The following DPYD variants were observed in gnomAD, a reference collection of about 807,000 sequenced individuals.
DPYD encodes dihydropyrimidine dehydrogenase, also known as dihydropyrimidine dehydrogenase [NADP(+)].
In DPYD, 109 loss-of-function variants were observed where a neutral mutation model predicts 116.2. That is an observed-to-expected ratio of 0.94 (90% CI 0.80 to 1.10). The LOEUF (loss-of-function observed/expected upper bound fraction) is 1.10, where lower values mean the gene tolerates loss of function less well. Ranked by LOEUF, DPYD falls within the 50% of genes least tolerant of loss-of-function variation. DPYD has a pLI of 0.00. For missense variants in DPYD, 1,302 were observed against 1,254.5 expected (o/e 1.04, Z -0.57); for synonymous variants, 440 against 432.0 (o/e 1.02, Z -0.23).
At chr1:97,342,999 A>G in intron 16 of DPYD, among the ~76,000 whole-genome samples, 1 of 152,174 alleles carries the variant, frequency 6.6e-6, no homozygotes, top group East Asian at 1.9e-4. Context: ...GGAGAGGAAA[A>G]AAAAACACTC....
chr1:97,833,673 CA>C (rs2101504487), intron 2 of DPYD, among the ~76,000 whole-genome samples: 1 of 152,128 alleles, frequency 6.6e-6, no homozygotes, highest in African/African-American at 2.4e-5. Flanking sequence ...TTAGTACATT[CA>C]GCAACGACGT....
intron 20 of DPYD, among the ~76,000 whole-genome samples, chr1:97,143,528 A>G (rs1163602390): frequency 6.6e-6 from 1 of 152,158 alleles, no homozygotes; most frequent in Non-Finnish European, 1.5e-5. Flanking sequence ...GAAATTTAGT[A>G]TTACCCAGTG....
At chr1:97,398,349 T>C (rs903130976) in intron 14 of DPYD, among the ~76,000 whole-genome samples, 1 of 152,194 alleles carries the variant, frequency 6.6e-6, no homozygotes, top group Non-Finnish European at 1.5e-5. Context: ...TCTATCATTG[T>C]TGGACATTTG....
At chr1:97,087,193 C>T (rs1216952694) in intron 21 of DPYD, among the ~76,000 whole-genome samples, 2 of 152,162 alleles carry the variant, frequency 1.3e-5, no homozygotes, top group South Asian at 4.1e-4. Flanking sequence ...CAACATCCAC[C>T]TTTTTCTTTG....
At chr1:97,228,019 A>G (rs1395208706) in intron 19 of DPYD, among the ~76,000 whole-genome samples, 1 of 151,874 alleles carries the variant, frequency 6.6e-6, no homozygotes, top group Non-Finnish European at 1.5e-5. Flanking sequence ...TTTACAATGA[A>G]GTCTGTTTTT....
intron 3 of DPYD, among the ~76,000 whole-genome samples, chr1:97,810,323 A>G (rs1481635289): frequency 1.3e-5 from 2 of 151,744 alleles, no homozygotes; most frequent in Non-Finnish European, 2.9e-5. Flanking sequence ...TCAACGGGAA[A>G]TAAAAAGGGC....
intron 8 of DPYD, among the ~76,000 whole-genome samples, chr1:97,665,001 C>A (rs1425547205): frequency 6.6e-6 from 1 of 152,042 alleles, no homozygotes; most frequent in Non-Finnish European, 1.5e-5. Flanking sequence ...GAAAACCTCA[C>A]AGATGGATCA....
At chr1:97,712,623 C>T (rs1474354414) in intron 5 of DPYD, among the ~76,000 whole-genome samples, 1 of 151,890 alleles carries the variant, frequency 6.6e-6, no homozygotes, top group Non-Finnish European at 1.5e-5. Context: ...TATTCTCTTT[C>T]GGGGCACTCC....
chr1:97,224,822 T>C (rs1283472336), intron 19 of DPYD, among the ~76,000 whole-genome samples: 1 of 152,020 alleles, frequency 6.6e-6, no homozygotes, highest in Non-Finnish European at 1.5e-5. Flanking sequence ...GGTTCATTTA[T>C]TTTGACACAA....
intron 8 of DPYD, among the ~76,000 whole-genome samples, chr1:97,671,332 C>A (rs1285266979): frequency 6.6e-6 from 1 of 152,012 alleles, no homozygotes; most frequent in African/African-American, 2.4e-5. Context: ...TCATTAAATA[C>A]CCTAGCGAGT....
chr1:97,781,058 C>T (rs554373950), intron 3 of DPYD, among the ~76,000 whole-genome samples: 88 of 152,232 alleles, frequency 5.8e-4, no homozygotes, highest in Non-Finnish European at 1.1e-3. Context: ...CTGCTTGGAG[C>T]ACACAGCCAC....
intron 8 of DPYD, among the ~76,000 whole-genome samples, chr1:97,602,896 G>T (rs1027365660): frequency 3.3e-5 from 5 of 151,672 alleles, no homozygotes; most frequent in Admixed American, 6.6e-5. Flanking sequence ...ATAAGCATTT[G>T]GTTTAGTTGA....
chr1:97,124,085 T>A (rs770299433), intron 20 of DPYD, among the ~76,000 whole-genome samples: 53 of 152,230 alleles, frequency 3.5e-4, no homozygotes, highest in Middle Eastern at 3.4e-3. Flanking sequence ...CACTCTCAAT[T>A]TTTGCGTGAA....
intron 3 of DPYD, among the ~76,000 whole-genome samples, chr1:97,783,266 A>T (rs1377541869): frequency 6.6e-6 from 1 of 152,224 alleles, no homozygotes; most frequent in Non-Finnish European, 1.5e-5. Flanking sequence ...TTTATACAAG[A>T]TGACTTACAC....
At chr1:97,241,248 C>T (rs57185778) in intron 18 of DPYD, among the ~76,000 whole-genome samples, 3,273 of 151,916 alleles carry the variant, frequency 0.022, 126 homozygotes, top group African/African-American at 0.076. Flanking sequence ...ATAACATTCA[C>T]CAAAGAGGGC....
At chr1:97,549,468 A>G in intron 12 of DPYD, 92 bp downstream of exon 12, 1 of 1,382,468 alleles carries the variant, frequency 7.2e-7, no homozygotes, top group Non-Finnish European at 1.0e-6. Context: ...ATTATATACC[A>G]AATAGAAATG....
In DPYD at chr1:97,424,669, G is replaced by A. The variant is rs184055869; in HGVS notation, c.1905+25390C>T. 6.1e-4 allele frequency among the ~76,000 whole-genome samples: 92 copies of A among 151,980 alleles called. 1 individual carries two copies. The highest frequency in any genetic ancestry group is 2.1e-3 in the African/African-American group (88 of 41,480). On this transcript the variant is annotated intron_variant, in intron 14 of 22. Transcript: ENST00000370192. ...TTATAGGATACCTTTTGTCACCTTC[G>A]TAAGATCGATGTTTCTCCAGAAACC...
At chr1:97,873,988 A>G (rs72979770) in intron 2 of DPYD, among the ~76,000 whole-genome samples, 2,310 of 152,092 alleles carry the variant, frequency 0.015, 55 homozygotes, top group African/African-American at 0.053. Context: ...GAAGAAAAAT[A>G]AAGCAGGAAA....
At chr1:97,087,943 T>G (rs1649639997) in intron 21 of DPYD, among the ~76,000 whole-genome samples, 1 of 152,160 alleles carries the variant, frequency 6.6e-6, no homozygotes, top group African/African-American at 2.4e-5. Context: ...TTCCTAATAT[T>G]TTCTCCAAAC....
Sources: allele counts gnomAD v4.1 joint callset (sites outside exome capture counted in the v4.1 genomes callset), GRCh38; gene constraint gnomAD v4.1.1; transcripts MANE v1.5; gene names NCBI Gene and HGNC (gene_info 2026-07-23, HGNC 2026-07-21).